Variants in PRKCA observed in about 807,000 individuals in gnomAD.
The protein encoded by PRKCA is protein kinase C alpha type.
In PRKCA, 27 loss-of-function variants were observed where a neutral mutation model predicts 87.0. The ratio of observed to expected loss-of-function variants is 0.31; its 90% CI spans 0.23 to 0.43. The LOEUF (loss-of-function observed/expected upper bound fraction) is 0.43. PRKCA is among the 20% of genes least tolerant of loss of function. The probability of loss-of-function intolerance (pLI) is 1.00; values close to 1 mark genes in which losing one functional copy is unlikely to be tolerated. For synonymous variants in PRKCA, 329 were observed against 311.1 expected, an observed-to-expected ratio of 1.06 and a Z score of -0.61; for missense variants, 518 against 852.3, an observed-to-expected ratio of 0.61 and a Z score of 4.88.
intron 2 of PRKCA, among the ~76,000 whole-genome samples, chr17:66,457,977 C>T (rs774512660): frequency 2.6e-5 from 4 of 152,140 alleles, no homozygotes; most frequent in African/African-American, 4.8e-5. Context: ...CTGATATCCT[C>T]ATGGGCTCTT....
At chr17:66,633,689 T>C (rs976617763) in intron 3 of PRKCA, among the ~76,000 whole-genome samples, 3 of 152,184 alleles carry the variant, frequency 2.0e-5, no homozygotes, top group African/African-American at 7.2e-5. Context: ...CATTCAAATA[T>C]GGGTGGAAAA....
At chr17:66,722,958 C>A (rs1973649716) in intron 8 of PRKCA, among the ~76,000 whole-genome samples, 1 of 152,206 alleles carries the variant, frequency 6.6e-6, no homozygotes, top group Admixed American at 6.5e-5. Flanking sequence ...AAGTCAGGGT[C>A]TTTTCCTACT....
chr17:66,486,537 T>A (rs1915994880), intron 2 of PRKCA, among the ~76,000 whole-genome samples: 1 of 151,954 alleles, frequency 6.6e-6, no homozygotes, highest in South Asian at 2.1e-4. Flanking sequence ...CCCTCAACCC[T>A]CTCCAGCCCC....
chr17:66,407,197 C>T (rs377171309), intron 2 of PRKCA, among the ~76,000 whole-genome samples: 105 of 151,984 alleles, frequency 6.9e-4, no homozygotes, highest in African/African-American at 2.4e-3. Flanking sequence ...TGGATCTGTG[C>T]CCCACCCAAA....
chr17:66,739,603 C>A (rs1194729578), intron 11 of PRKCA, among the ~76,000 whole-genome samples: 1 of 152,136 alleles, frequency 6.6e-6, no homozygotes, highest in East Asian at 1.9e-4. Flanking sequence ...ACGTAAGCCC[C>A]TAAAAATCGG....
chr17:66,436,459 C>A (rs568374469), intron 2 of PRKCA, among the ~76,000 whole-genome samples: 2 of 152,284 alleles, frequency 1.3e-5, no homozygotes, highest in Admixed American at 1.3e-4. Flanking sequence ...AGAGAACACA[C>A]GTGAAATGGT....
intron 2 of PRKCA, among the ~76,000 whole-genome samples, chr17:66,336,754 TTGTG>T (rs148842588): frequency 0.059 from 7,884 of 133,580 alleles, 207 homozygotes; most frequent in Non-Finnish European, 0.071. Context: ...GCAAATAAGT[TTGTG>T]TGTGTGTGTG....
At chr17:66,424,734 G>A (rs1278607930) in intron 2 of PRKCA, among the ~76,000 whole-genome samples, 1 of 152,038 alleles carries the variant, frequency 6.6e-6, no homozygotes, top group Non-Finnish European at 1.5e-5. Flanking sequence ...ATAGGTTTCT[G>A]TGCTGTTCCC....
intron 2 of PRKCA, among the ~76,000 whole-genome samples, chr17:66,321,215 T>C (rs944044843): frequency 6.6e-6 from 1 of 152,188 alleles, no homozygotes; most frequent in Non-Finnish European, 1.5e-5. Flanking sequence ...GGTTTCTGAG[T>C]TGCTTTAAAA....
chr17:66,494,432 G>A (rs776939950), intron 2 of PRKCA, among the ~76,000 whole-genome samples: 3 of 152,172 alleles, frequency 2.0e-5, no homozygotes, highest in Admixed American at 6.5e-5. Context: ...CCTTGTCCTC[G>A]TGTGGCAGAA....
chr17:66,763,655 G>A (rs1447700147), intron 13 of PRKCA, among the ~76,000 whole-genome samples: 1 of 152,200 alleles, frequency 6.6e-6, no homozygotes, highest in Non-Finnish European at 1.5e-5. Context: ...AAGGACTTGA[G>A]TGTGTTTTAT....
At chr17:66,682,012 T>A (rs1194318996) in intron 5 of PRKCA, among the ~76,000 whole-genome samples, 1 of 152,240 alleles carries the variant, frequency 6.6e-6, no homozygotes, top group Non-Finnish European at 1.5e-5. Flanking sequence ...GTGGTGCACC[T>A]GTGGCTTAGA....
At chr17:66,343,730 G>A (rs1433786481) in intron 2 of PRKCA, among the ~76,000 whole-genome samples, 2 of 152,142 alleles carry the variant, frequency 1.3e-5, no homozygotes, top group East Asian at 3.9e-4. Flanking sequence ...GAAGGACAGG[G>A]AGTATCCAGG....
intron 2 of PRKCA, among the ~76,000 whole-genome samples, chr17:66,437,542 T>C (rs1485043108): frequency 1.3e-5 from 2 of 152,062 alleles, no homozygotes; most frequent in African/African-American, 4.8e-5. Flanking sequence ...AAGAATTTGC[T>C]TTTTCTCACT....
At chr17:66,493,726 C>G (rs1916344529) in intron 2 of PRKCA, among the ~76,000 whole-genome samples, 1 of 151,992 alleles carries the variant, frequency 6.6e-6, no homozygotes, top group South Asian at 2.1e-4. Context: ...GTGAAGGGAC[C>G]CAGTACAACA....
chr17:66,574,541 C>T (rs919575967), intron 3 of PRKCA, among the ~76,000 whole-genome samples: 8 of 152,128 alleles, frequency 5.3e-5, no homozygotes, highest in Admixed American at 1.3e-4. Context: ...CAGGGACCCC[C>T]GTGGAAGCCT....
intron 2 of PRKCA, among the ~76,000 whole-genome samples, chr17:66,424,782 C>A (rs2143806738): frequency 6.7e-6 from 1 of 148,194 alleles, no homozygotes; most frequent in Middle Eastern, 3.4e-3. Flanking sequence ...CAGAGTCTTG[C>A]TGTGACACCC....
intron 3 of PRKCA, among the ~76,000 whole-genome samples, chr17:66,522,906 T>A (rs989928239): frequency 2.0e-5 from 3 of 152,162 alleles, no homozygotes; most frequent in Non-Finnish European, 4.4e-5. Context: ...TTTCTGCTTC[T>A]TCCTGGGCTG....
At chr17:66,479,967 C>G (rs1023314752) in intron 2 of PRKCA, among the ~76,000 whole-genome samples, 1 of 150,194 alleles carries the variant, frequency 6.7e-6, no homozygotes, top group Non-Finnish European at 1.5e-5. Context: ...CACAAGTTTA[C>G]CCATATAACC....
Sources: allele counts gnomAD v4.1 joint callset (sites outside exome capture counted in the v4.1 genomes callset), GRCh38; gene constraint gnomAD v4.1.1; transcripts MANE v1.5; gene names NCBI Gene and HGNC (gene_info 2026-07-23, HGNC 2026-07-21).